The following DCC variants were observed in gnomAD, a reference collection of about 807,000 sequenced individuals.
The protein encoded by DCC is netrin receptor DCC.
In DCC, 58 loss-of-function variants were observed where a neutral mutation model predicts 172.5. The observed-to-expected ratio is 0.34, with a 90% CI of 0.27 to 0.42. The LOEUF (loss-of-function observed/expected upper bound fraction) is 0.42, where lower values mean the gene tolerates loss of function less well. Among genes scored for constraint, DCC ranks in the 10% least tolerant of loss-of-function variants. The pLI is 1.00. For synonymous variants in DCC, 709 were observed against 644.5 expected (o/e 1.10, Z -1.52); for missense variants, 1,740 against 1,791.0 (o/e 0.97, Z 0.51).
chr18:53,439,877 G>A (rs1875110137), intron 22 of DCC, among the ~76,000 whole-genome samples: 1 of 146,448 alleles, frequency 6.8e-6, no homozygotes, highest in Non-Finnish European at 1.5e-5. Context: ...CCATTCTCCT[G>A]CCTCAGCCTC....
At chr18:53,501,215 C>G (rs902492772) in intron 27 of DCC, among the ~76,000 whole-genome samples, 7 of 152,152 alleles carry the variant, frequency 4.6e-5, no homozygotes, top group African/African-American at 1.7e-4. Context: ...ATTCTGAAGG[C>G]TTATTACATC....
At chr18:52,503,347 T>C (rs1378758409) in intron 1 of DCC, among the ~76,000 whole-genome samples, 4 of 152,158 alleles carry the variant, frequency 2.6e-5, no homozygotes, top group Non-Finnish European at 5.9e-5. Flanking sequence ...TAAAGATGTG[T>C]TATATTGCTG....
At chr18:52,461,134 T>C (rs1228109506) in intron 1 of DCC, among the ~76,000 whole-genome samples, 5 of 152,202 alleles carry the variant, frequency 3.3e-5, no homozygotes, top group Non-Finnish European at 7.3e-5. Flanking sequence ...TAAGCTTTTC[T>C]CTATTTTAAA....
intron 2 of DCC, among the ~76,000 whole-genome samples, chr18:52,848,174 C>T (rs2038924895): frequency 6.6e-6 from 1 of 151,144 alleles, no homozygotes; most frequent in South Asian, 2.1e-4. Context: ...CAACCTCCGC[C>T]TCCCAGGTTC....
chr18:53,403,867 G>T (rs532179774), intron 19 of DCC, among the ~76,000 whole-genome samples: 1 of 152,138 alleles, frequency 6.6e-6, no homozygotes, highest in Non-Finnish European at 1.5e-5. Context: ...AAAAGATAAC[G>T]TGAAAATTCC....
chr18:52,891,455 G>T (rs1666082128), intron 2 of DCC, among the ~76,000 whole-genome samples: 1 of 152,070 alleles, frequency 6.6e-6, no homozygotes, highest in Non-Finnish European at 1.5e-5. Flanking sequence ...TTTAAACATA[G>T]AATCACAAAG....
intron 5 of DCC, among the ~76,000 whole-genome samples, chr18:52,993,007 G>A (rs2041419535): frequency 6.6e-6 from 1 of 150,626 alleles, no homozygotes; most frequent in Non-Finnish European, 1.5e-5. Flanking sequence ...AAAAACACAT[G>A]TGAAATGAGT....
chr18:52,876,516 A>G (rs1373680675), intron 2 of DCC, among the ~76,000 whole-genome samples: 1 of 152,236 alleles, frequency 6.6e-6, no homozygotes, highest in Non-Finnish European at 1.5e-5. Flanking sequence ...CACAGTTTAT[A>G]AAGAAAACAT....
In DCC at chr18:52,350,221, C is replaced by A. The variant is rs191933510; in HGVS notation, c.91+9343C>A. Among the ~76,000 whole-genome samples, 12 of 152,298 alleles carry A rather than the reference C, an allele frequency of 7.9e-5. No individual in the cohort carries two copies. The East Asian group carries it at 2.1e-3, about 27-fold the overall frequency. ...CTTTTCCTCCAGTGAAGGTGACAGG[C>A]ACACACAGAGGTAGGTAGGATACAA... On this transcript the variant is annotated intron_variant, in intron 1 of 28. Coordinates refer to ENST00000442544, the MANE Select transcript of DCC (RefSeq NM_005215.4).
intron 5 of DCC, among the ~76,000 whole-genome samples, chr18:53,002,234 A>G (rs1363628801): frequency 1.3e-5 from 2 of 152,066 alleles, no homozygotes; most frequent in Non-Finnish European, 2.9e-5. Context: ...GAGAGCTACC[A>G]TGTGATAGAC....
intron 2 of DCC, among the ~76,000 whole-genome samples, chr18:52,825,215 T>A (rs1177367075): frequency 6.6e-6 from 1 of 152,322 alleles, no homozygotes; most frequent in East Asian, 1.9e-4. Flanking sequence ...GATCCAAGTT[T>A]ATCAGCTACA....
chr18:53,416,092 G>C, intron 20 of DCC, 32 bp from the exon 21 acceptor site: 1 of 1,574,208 alleles, frequency 6.4e-7, no homozygotes, highest in South Asian at 1.1e-5. Flanking sequence ...AACTGTCAAA[G>C]TCTAATAATG....
intron 2 of DCC, among the ~76,000 whole-genome samples, chr18:52,855,324 G>A (rs1384183252): frequency 6.6e-6 from 1 of 152,220 alleles, no homozygotes; most frequent in Admixed American, 6.5e-5. Flanking sequence ...GGGTAAAAGA[G>A]TAGATTGTTT....
chr18:52,862,200 C>A (rs1426047447), intron 2 of DCC, among the ~76,000 whole-genome samples: 5 of 151,970 alleles, frequency 3.3e-5, no homozygotes, highest in African/African-American at 1.2e-4. Flanking sequence ...TCCTCTTGGG[C>A]TTCCAGGAGT....
intron 1 of DCC, among the ~76,000 whole-genome samples, chr18:52,545,008 T>A (rs1029792661): frequency 6.6e-6 from 1 of 152,208 alleles, no homozygotes; most frequent in Non-Finnish European, 1.5e-5. Context: ...TAAGAATGCT[T>A]AGCAGTTCAG....
chr18:53,311,258 A>T (rs1417410892), intron 13 of DCC, among the ~76,000 whole-genome samples: 1 of 152,012 alleles, frequency 6.6e-6, no homozygotes, highest in Non-Finnish European at 1.5e-5. Context: ...AGTAGCTGGG[A>T]TTACAGGCAT....
intron 1 of DCC, among the ~76,000 whole-genome samples, chr18:52,563,687 A>G (rs1444635848): frequency 6.6e-6 from 1 of 152,148 alleles, no homozygotes; most frequent in Non-Finnish European, 1.5e-5. Context: ...GCTTTTCTAT[A>G]TTGCTTTAAA....
Position 53,478,716 on chromosome 18 carries a change from C to T in DCC, c.3737-8081C>T, listed in dbSNP as rs960033254. On this transcript the variant is annotated intron_variant, in intron 25 of 28. Transcript: ENST00000442544. Reference sequence around the variant, plus strand: ...AACATTCACTATGAGAGCCAATGCTCTCCTTCCCTTTCCCACCATCTGCAT... The same window carrying T: ...AACATTCACTATGAGAGCCAATGCTTTCCTTCCCTTTCCCACCATCTGCAT... 2.6e-5 allele frequency among the ~76,000 whole-genome samples: 4 copies of T among 152,194 alleles called. No homozygotes were observed. The East Asian group carries it at 7.7e-4, about 29-fold the overall frequency.
At chr18:52,519,961 A>G (rs1249287337) in intron 1 of DCC, among the ~76,000 whole-genome samples, 3 of 152,192 alleles carry the variant, frequency 2.0e-5, no homozygotes, top group African/African-American at 4.8e-5. Flanking sequence ...TTCTCCTCCC[A>G]TTGTATCTCA....
Sources: gnomAD v4.1 joint callset for allele counts (sites outside exome capture counted in the v4.1 genomes callset) on GRCh38, gnomAD v4.1.1 for gene constraint, MANE v1.5 for transcripts, NCBI Gene and HGNC (gene_info 2026-07-23, HGNC 2026-07-21) for gene names.